Variants in BMP2K observed in about 807,000 individuals in gnomAD.
BMP2K encodes the protein BMP-2-inducible protein kinase.
BMP2K carries 74 observed loss-of-function variants against 116.0 expected under a neutral mutation model. The observed-to-expected ratio is 0.64, with a 90% CI of 0.53 to 0.77. The LOEUF (loss-of-function observed/expected upper bound fraction) is 0.77. Ranked by LOEUF, BMP2K falls within the 30% of genes least tolerant of loss-of-function variation. BMP2K has a pLI of 0.00. For missense variants in BMP2K, 1,365 were observed against 1,403.6 expected (o/e 0.97, Z 0.44); for synonymous variants, 486 against 502.5 (o/e 0.97, Z 0.44).
intron 3 of BMP2K, among the ~76,000 whole-genome samples, chr4:78,841,633 G>T (rs891142824): frequency 6.6e-6 from 1 of 151,988 alleles, no homozygotes; most frequent in Non-Finnish European, 1.5e-5. Flanking sequence ...TTAAAGTATG[G>T]CTGATCCCTG....
At chr4:78,862,593 A>G (rs576403664) in intron 9 of BMP2K, among the ~76,000 whole-genome samples, 4 of 152,208 alleles carry the variant, frequency 2.6e-5, no homozygotes, top group South Asian at 2.1e-4. Context: ...AACTTTGTTT[A>G]TATATCATGC....
chr4:78,873,629 G>A (rs1732479085), intron 13 of BMP2K, among the ~76,000 whole-genome samples: 1 of 151,644 alleles, frequency 6.6e-6, no homozygotes, highest in South Asian at 2.1e-4. Context: ...GCTAAAGTAT[G>A]CAGTTTGCTA....
At position 78,861,421 on chromosome 4, in the gene BMP2K, G is replaced by A. The variant is rs753792637; in HGVS notation, c.1020G>A (p.Pro340=). 6.9e-6 allele frequency: 11 copies of A among 1,605,592 alleles called. No homozygotes were observed. The Admixed American group carries it at 8.4e-5, about 12-fold the overall frequency. Residue 340 remains proline, a synonymous_variant, in exon 9 of 16, where the codon CCG becomes CCA. Coordinates refer to ENST00000502613, the MANE Select transcript of BMP2K (RefSeq NM_198892.2). ...NSSIPSALPE[P]MTASEAAARK... is the part of the protein sequence containing the mutation. ...CTATTCCTTCAGCTCTTCCTGAACC[G>A]ATGACTGCTAGTGAAGCAGCTGCTA...
At chr4:78,794,325 A>G (rs1454943254) in intron 1 of BMP2K, among the ~76,000 whole-genome samples, 1 of 152,178 alleles carries the variant, frequency 6.6e-6, no homozygotes, top group Non-Finnish European at 1.5e-5. Context: ...GTCATTAGGT[A>G]TTACAGTACT....
intron 9 of BMP2K, among the ~76,000 whole-genome samples, chr4:78,863,350 C>G (rs1004976965): frequency 6.6e-6 from 1 of 152,172 alleles, no homozygotes; most frequent in South Asian, 2.1e-4. Flanking sequence ...CTAGCAGTTT[C>G]ATTACCCACG....
chr4:78,796,910 A>G (rs1364792209), intron 1 of BMP2K, among the ~76,000 whole-genome samples: 1 of 152,166 alleles, frequency 6.6e-6, no homozygotes, highest in Non-Finnish European at 1.5e-5. Context: ...AGTGGATATA[A>G]AGTAGGGGAA....
chr4:78,794,069 A>G (rs1728136203), intron 1 of BMP2K, among the ~76,000 whole-genome samples: 3 of 152,144 alleles, frequency 2.0e-5, no homozygotes, highest in African/African-American at 7.2e-5. Flanking sequence ...GGCTTTCATC[A>G]TATTCCCAAA....
At position 78,884,951 on chromosome 4, in the gene BMP2K, GT is replaced by G. The variant is rs200111667; in HGVS notation, c.1952-2218del. 4.5e-3 allele frequency among the ~76,000 whole-genome samples: 682 copies of G among 152,236 alleles called. 2 individuals carry two copies. Among genetic ancestry groups the G allele is most frequent in the African/African-American group, 0.016 (645 of 41,552 alleles). On this transcript the variant is annotated intron_variant, in intron 14 of 15. Transcript: ENST00000502613. ...TGTTTTGACAACAAAATAATAAAAA[GT>G]TTTTAGTAAAATGAGCATTTGTTAC...
chr4:78,802,076 AAG>A (rs983006870), intron 1 of BMP2K, among the ~76,000 whole-genome samples: 11 of 152,220 alleles, frequency 7.2e-5, no homozygotes, highest in African/African-American at 2.7e-4. Context: ...TCATTCTAGA[AAG>A]AGTTTTGCTC....
At chr4:78,873,702 G>GTA (rs1260884294) in intron 13 of BMP2K, among the ~76,000 whole-genome samples, 14 of 148,576 alleles carry the variant, frequency 9.4e-5, no homozygotes, top group East Asian at 7.8e-4. Context: ...GTGTGTGTGT[G>GTA]TGTATGCATG....
At position 78,911,480 on chromosome 4, in the gene BMP2K, T is replaced by G. The variant is rs760581889; in HGVS notation, c.2933T>G (p.Leu978Arg). Residue 978 changes from leucine (L) to arginine (R), a missense_variant, in exon 16 of 16, where the codon CTG becomes CGG. Coordinates refer to ENST00000502613, the MANE Select transcript of BMP2K (RefSeq NM_198892.2). ...QKVKQRSLQK[L>R]SSRQRRTKQD... is the part of the protein sequence containing the mutation. ...GTCAAACAGCGCAGCTTACAGAAAC[T>G]GTCCTCTCGCCAAAGGCGCACAAAG... is the stretch of plus-strand genomic sequence containing the variant. 6.2e-7 allele frequency: 1 copy of G among 1,613,988 alleles called. No individual in the cohort carries two copies. The highest frequency in any genetic ancestry group is 1.1e-5 in the South Asian group (1 of 91,082).
intron 1 of BMP2K, among the ~76,000 whole-genome samples, chr4:78,782,450 T>A (rs1163185795): frequency 6.6e-6 from 1 of 152,166 alleles, no homozygotes; most frequent in Non-Finnish European, 1.5e-5. Flanking sequence ...GGTGCTTGAT[T>A]TTTTTATTTT....
chr4:78,881,771 CTT>C (rs1218874839), intron 14 of BMP2K, among the ~76,000 whole-genome samples: 2 of 151,934 alleles, frequency 1.3e-5, no homozygotes, highest in African/African-American at 4.8e-5. Context: ...AGTTTAATGA[CTT>C]TCACCTTTTT....
At chr4:78,815,028 A>G (rs984581506) in intron 1 of BMP2K, among the ~76,000 whole-genome samples, 4 of 152,136 alleles carry the variant, frequency 2.6e-5, no homozygotes, top group Admixed American at 2.0e-4. Flanking sequence ...AATGAATGAA[A>G]TTAGATGAGG....
At chr4:78,779,386 A>G (rs1416678068) in intron 1 of BMP2K, among the ~76,000 whole-genome samples, 1 of 152,244 alleles carries the variant, frequency 6.6e-6, no homozygotes, top group Non-Finnish European at 1.5e-5. Flanking sequence ...CTCCTTGAAC[A>G]CTAGACAGCA....
intron 3 of BMP2K, among the ~76,000 whole-genome samples, chr4:78,841,222 A>T (rs1730743807): frequency 6.6e-6 from 1 of 152,226 alleles, no homozygotes; most frequent in South Asian, 2.1e-4. Context: ...ACCTTCTCAT[A>T]GATTGTAAAA....
In BMP2K at chr4:78,800,212, C is replaced by G. The variant is rs78774307; in HGVS notation, c.178+23491C>G. On this transcript the variant is annotated intron_variant, in intron 1 of 15. Coordinates refer to ENST00000502613, the MANE Select transcript of BMP2K (RefSeq NM_198892.2). ...GGTCTTGAAGTAATAGATAGTGGCTCTATGCTGATACTTTGGCTCTGTGAT... is the reference window on the plus strand; with the variant it reads ...GGTCTTGAAGTAATAGATAGTGGCTGTATGCTGATACTTTGGCTCTGTGAT... Among the ~76,000 whole-genome samples the G allele has an allele frequency of 5.1e-3, 779 of 152,248 alleles. 3 individuals are homozygous for G. Among genetic ancestry groups the G allele is most frequent in the Non-Finnish European group, 9.1e-3 (622 of 68,008 alleles).
chr4:78,908,684 G>A (rs1413247514), intron 15 of BMP2K, among the ~76,000 whole-genome samples: 2 of 152,058 alleles, frequency 1.3e-5, no homozygotes, highest in African/African-American at 2.4e-5. Context: ...CATATGTCAA[G>A]CTTAATGTCT....
intron 1 of BMP2K, among the ~76,000 whole-genome samples, chr4:78,792,109 C>T (rs553404655): frequency 4.3e-4 from 66 of 152,290 alleles, no homozygotes; most frequent in African/African-American, 1.4e-3. Context: ...CTCACCAACA[C>T]TTGGCAATTT....
Sources: allele counts gnomAD v4.1 joint callset (sites outside exome capture counted in the v4.1 genomes callset), GRCh38; gene constraint gnomAD v4.1.1; transcripts MANE v1.5; gene names NCBI Gene and HGNC (gene_info 2026-07-23, HGNC 2026-07-21).